CNNM1: variants seen among roughly 807,000 people sequenced by gnomAD.
CNNM1 encodes metal transporter CNNM1.
A neutral mutation model predicts 78.8 loss-of-function variants in CNNM1; 44 were observed. The ratio of observed to expected loss-of-function variants is 0.56; its 90% CI spans 0.44 to 0.72. The LOEUF (loss-of-function observed/expected upper bound fraction) is 0.72, where lower values mean the gene tolerates loss of function less well. CNNM1 is among the 30% of genes least tolerant of loss of function. The probability of loss-of-function intolerance (pLI) is 0.00; values close to 1 mark genes in which losing one functional copy is unlikely to be tolerated. For synonymous variants in CNNM1, 584 were observed against 581.5 expected (o/e 1.00, Z -0.06); for missense variants, 1,101 against 1,292.2 (o/e 0.85, Z 2.27).
chr10:99,379,919 C>T (rs1039712736), intron 7 of CNNM1, among the ~76,000 whole-genome samples: 3 of 152,092 alleles, frequency 2.0e-5, no homozygotes, highest in African/African-American at 7.2e-5. Context: ...TATCAAGGTG[C>T]CAGCAGATCC....
Position 99,340,831 on chromosome 10 carries a change from TTCTTTC to T in CNNM1, c.1573+9887_1573+9892del, listed in dbSNP as rs1355394009. On this transcript the variant is annotated intron_variant, in intron 1 of 10. Transcript: ENST00000356713. ...CTTTCTTTCTTTCTTTTCTTTTCTT[TTCTTTC>T]TCTTTCTCTTTCTCTCCTTCCCCGC... Among the ~76,000 whole-genome samples, 143 of 147,070 alleles carry T rather than the reference TTCTTTC, an allele frequency of 9.7e-4. No homozygotes were observed. The Middle Eastern group carries it at 0.01, about 11-fold the overall frequency.
intron 1 of CNNM1, among the ~76,000 whole-genome samples, chr10:99,331,724 CG>C (rs1306629797): frequency 2.6e-5 from 4 of 151,454 alleles, no homozygotes; most frequent in Admixed American, 6.6e-5. Flanking sequence ...TGTCTTTGCC[CG>C]GGGGGGAGGG....
chr10:99,368,789 C>G (rs969757497), intron 6 of CNNM1: 15 of 680,658 alleles, frequency 2.2e-5, no homozygotes, highest in Non-Finnish European at 3.2e-5. Flanking sequence ...AACAGGCACT[C>G]CTGTGACTAA....
chr10:99,361,025 G>C, intron 3 of CNNM1, 50 bp downstream of exon 3: 1 of 1,531,282 alleles, frequency 6.5e-7, no homozygotes, highest in Non-Finnish European at 8.8e-7. Context: ...CTCTAGGGTG[G>C]GACCCAGGCA....
intron 1 of CNNM1, among the ~76,000 whole-genome samples, chr10:99,332,465 A>G (rs1336650917): frequency 6.9e-6 from 1 of 145,134 alleles, no homozygotes; most frequent in East Asian, 2.3e-4. Context: ...GCAGTGAGCT[A>G]TGACTGTGCC....
At chr10:99,364,623 C>A in intron 5 of CNNM1, 107 bp downstream of exon 5, 1 of 912,568 alleles carries the variant, frequency 1.1e-6, no homozygotes, top group Non-Finnish European at 1.6e-6. Context: ...TCAGCCTGGA[C>A]AAGCCATTTA....
chr10:99,367,396 G>A (rs2031656960), intron 6 of CNNM1, among the ~76,000 whole-genome samples: 1 of 151,770 alleles, frequency 6.6e-6, no homozygotes, highest in Non-Finnish European at 1.5e-5. Flanking sequence ...TTTCCTGCAT[G>A]AGGTGAAGGG....
chr10:99,344,070 C>T (rs1011850090), intron 1 of CNNM1, among the ~76,000 whole-genome samples: 1 of 150,682 alleles, frequency 6.6e-6, no homozygotes, highest in African/African-American at 2.4e-5. Flanking sequence ...TGCTGGCTCA[C>T]CCTTGTAATC....
chr10:99,376,923 C>G (rs1223648476), intron 6 of CNNM1, 132 bp from the exon 7 acceptor site: 21 of 840,304 alleles, frequency 2.5e-5, no homozygotes, highest in Non-Finnish European at 3.8e-5. Context: ...CCCAGTGTTA[C>G]CATCGCCTGA....
In CNNM1 at chr10:99,373,187, A is replaced by G. The variant is rs114188757; in HGVS notation, c.2177-3868A>G. 2.5e-3 allele frequency among the ~76,000 whole-genome samples: 376 copies of G among 152,260 alleles called. 3 individuals carry two copies. The highest frequency in any genetic ancestry group is 8.7e-3 in the African/African-American group (360 of 41,548). ...GCTATTTCCCTGTTGTCTTCCCTGA[A>G]CATATCTTGAATTGTGACATAAGAG... On this transcript the variant is annotated intron_variant, in intron 6 of 10. Transcript: ENST00000356713.
intron 1 of CNNM1, among the ~76,000 whole-genome samples, chr10:99,337,729 T>C (rs1011849380): frequency 2.0e-5 from 3 of 152,206 alleles, no homozygotes; most frequent in African/African-American, 7.2e-5. Context: ...TTATCTGTCT[T>C]TGTAGCTCCA....
intron 6 of CNNM1, chr10:99,368,663 C>CTCTGG (rs2031704892): frequency 7.8e-7 from 1 of 1,289,620 alleles, no homozygotes; most frequent in Non-Finnish European, 1.0e-6. Context: ...AGAGGGGACT[C>CTCTGG]TCTGGCAGGC....
chr10:99,377,597 A>G (rs924745486), intron 7 of CNNM1, among the ~76,000 whole-genome samples: 2 of 152,216 alleles, frequency 1.3e-5, no homozygotes, highest in African/African-American at 4.8e-5. Context: ...ATAAGTTTGC[A>G]GGTGATTAAT....
chr10:99,358,659 G>A (rs2031313655), intron 2 of CNNM1, among the ~76,000 whole-genome samples: 1 of 152,282 alleles, frequency 6.6e-6, no homozygotes, highest in East Asian at 1.9e-4. Flanking sequence ...AAGCAAGAGA[G>A]TCATGGCACC....
chr10:99,330,602 C>T lies in CNNM1; in HGVS notation c.1215C>T (p.Asp405=), dbSNP rs1564935008. Residue 405 remains aspartate (D), a synonymous_variant, in exon 1 of 11, where the codon GAC becomes GAT. Transcript: ENST00000356713. ...TGCTGGAGACGTTGCGGGCCGCAGA[C>T]CCCTACAGTGACCTGGTGAAGGAGG... ...EKLLETLRAA[D]PYSDLVKEEL... is the part of the protein sequence containing the mutation. 1.2e-6 allele frequency: 2 copies of T among 1,613,392 alleles called. No homozygotes were observed. Among genetic ancestry groups the T allele is most frequent in the Non-Finnish European group, 1.7e-6 (2 of 1,179,692 alleles).
chr10:99,360,390 G>A (rs376080512), intron 2 of CNNM1, among the ~76,000 whole-genome samples: 92 of 152,274 alleles, frequency 6.0e-4, no homozygotes, highest in African/African-American at 2.2e-3. Flanking sequence ...AAGAATGCAG[G>A]TCCCTTGTGT....
intron 1 of CNNM1, among the ~76,000 whole-genome samples, chr10:99,344,563 G>C (rs1479567281): frequency 4.0e-5 from 6 of 151,376 alleles, no homozygotes; most frequent in Admixed American, 3.9e-4. Flanking sequence ...AAAATTGAAA[G>C]CTGTTTACTT....
intron 6 of CNNM1, among the ~76,000 whole-genome samples, chr10:99,370,276 CAGG>C (rs1406776246): frequency 6.6e-6 from 1 of 152,138 alleles, no homozygotes; most frequent in Non-Finnish European, 1.5e-5. Flanking sequence ...TTCAACACAA[CAGG>C]AGATTAGTGT....
At chr10:99,375,979 T>C (rs1311689560) in intron 6 of CNNM1, among the ~76,000 whole-genome samples, 2 of 152,232 alleles carry the variant, frequency 1.3e-5, no homozygotes, top group Non-Finnish European at 2.9e-5. Flanking sequence ...ATGGTCTTAA[T>C]TGAACTTTTC....
Sources: allele counts gnomAD v4.1 joint callset (sites outside exome capture counted in the v4.1 genomes callset), GRCh38; gene constraint gnomAD v4.1.1; transcripts MANE v1.5; gene names NCBI Gene and HGNC (gene_info 2026-07-23, HGNC 2026-07-21).